TBC1D5: variants seen among roughly 807,000 people sequenced by gnomAD.
The protein encoded by TBC1D5 is TBC1 domain family, member 5.
In TBC1D5, 75 loss-of-function variants were observed where a neutral mutation model predicts 100.3. The ratio of observed to expected loss-of-function variants is 0.75; its 90% CI spans 0.62 to 0.91. The LOEUF (loss-of-function observed/expected upper bound fraction) is 0.91, where lower values mean the gene tolerates loss of function less well. Among genes scored for constraint, TBC1D5 ranks in the 40% least tolerant of loss-of-function variants. The probability of loss-of-function intolerance (pLI) is 0.00; values close to 1 mark genes in which losing one functional copy is unlikely to be tolerated. For synonymous variants in TBC1D5, 323 were observed against 325.6 expected (o/e 0.99, Z 0.09); for missense variants, 910 against 942.4 (o/e 0.97, Z 0.45).
chr3:17,369,528 T>C (rs189055807), intron 13 of TBC1D5, among the ~76,000 whole-genome samples: 1 of 152,242 alleles, frequency 6.6e-6, no homozygotes, highest in Admixed American at 6.5e-5. Context: ...CTACCGTTAT[T>C]ATTAGAGATG....
At position 17,488,211 on chromosome 3, in the gene TBC1D5, C is replaced by T. The variant is rs142479035; in HGVS notation, c.97+20263G>A. On this transcript the variant is annotated intron_variant, in intron 3 of 21. Transcript: ENST00000253692. ...CTTAGTTTTTCCTTTTCCACAATGT[C>T]ATATAGTTGGAATAATGTATGTAGT... Among the ~76,000 whole-genome samples the T allele has an allele frequency of 3.8e-3, 576 of 152,234 alleles. 2 individuals carry two copies. The highest frequency in any genetic ancestry group is 0.013 in the African/African-American group (535 of 41,556).
intron 2 of TBC1D5, among the ~76,000 whole-genome samples, chr3:17,566,639 A>G (rs2096595656): frequency 6.6e-6 from 1 of 151,762 alleles, no homozygotes; most frequent in South Asian, 2.1e-4. Flanking sequence ...CTGCAACTAA[A>G]AGCCTAAAAT....
rs979488357 is a variant in TBC1D5 at position 17,330,272 on chromosome 3, G to A, written c.996-22138C>T. Among the ~76,000 whole-genome samples the A allele has an allele frequency of 1.1e-4, 17 of 152,150 alleles. No individual in the cohort carries two copies. In the East Asian group the frequency reaches 2.3e-3, roughly 21 times the overall value. ...ATCCAGCTGTTAACATCTATGAGGC[G>A]AAACTCCAAACCTGCAGGAGGCTAA... On this transcript the variant is annotated intron_variant, in intron 13 of 21. Transcript: ENST00000253692.
intron 18 of TBC1D5, among the ~76,000 whole-genome samples, chr3:17,212,494 TTA>T (rs367707340): frequency 6.6e-6 from 1 of 150,958 alleles, no homozygotes. Context: ...GTACTTCTAG[TTA>T]TATATATATA....
At chr3:17,494,462 G>C (rs533123972) in intron 3 of TBC1D5, among the ~76,000 whole-genome samples, 2 of 152,310 alleles carry the variant, frequency 1.3e-5, no homozygotes, top group East Asian at 3.9e-4. Context: ...TGTGCTGGGG[G>C]GAATCCTCCT....
chr3:17,351,536 A>G (rs1463199540), intron 13 of TBC1D5, among the ~76,000 whole-genome samples: 2 of 152,138 alleles, frequency 1.3e-5, no homozygotes, highest in Non-Finnish European at 2.9e-5. Context: ...CAATGAGAAT[A>G]TATGGGCACA....
intron 3 of TBC1D5, among the ~76,000 whole-genome samples, chr3:17,498,850 G>T (rs2095748818): frequency 6.6e-6 from 1 of 152,002 alleles, no homozygotes; most frequent in African/African-American, 2.4e-5. Context: ...CATGTAAGGA[G>T]AATTTTACCA....
chr3:17,560,615 T>C (rs372916366), intron 2 of TBC1D5, among the ~76,000 whole-genome samples: 3 of 100,356 alleles, frequency 3.0e-5, no homozygotes, highest in African/African-American at 1.4e-4. Flanking sequence ...TAAAACCTTG[T>C]CTTTAAAAAA....
At chr3:17,727,925 T>TA (rs2076252317) in intron 1 of TBC1D5, among the ~76,000 whole-genome samples, 2 of 152,162 alleles carry the variant, frequency 1.3e-5, no homozygotes. Context: ...ATCCACACTA[T>TA]ATTACAAAGT....
intron 13 of TBC1D5, among the ~76,000 whole-genome samples, chr3:17,337,993 A>G (rs897592414): frequency 6.6e-6 from 1 of 152,156 alleles, no homozygotes; most frequent in Non-Finnish European, 1.5e-5. Flanking sequence ...AATTTTCCCA[A>G]TATAATCTCT....
intron 14 of TBC1D5, among the ~76,000 whole-genome samples, chr3:17,302,365 T>C (rs1023324402): frequency 6.6e-6 from 1 of 152,188 alleles, no homozygotes; most frequent in Non-Finnish European, 1.5e-5. Context: ...ACACCAGTCA[T>C]ATTGGATTAG....
At chr3:17,437,624 G>C in intron 3 of TBC1D5, among the ~76,000 whole-genome samples, 1 of 50,320 alleles carries the variant, frequency 2.0e-5, no homozygotes, top group East Asian at 6.2e-4. Context: ...GACAGAGGTA[G>C]AGAGAGAGAG....
chr3:17,289,676 T>G (rs557006874), intron 15 of TBC1D5, among the ~76,000 whole-genome samples: 2 of 151,332 alleles, frequency 1.3e-5, no homozygotes, highest in South Asian at 4.2e-4. Flanking sequence ...AAGGATGTTC[T>G]GCTTACACAG....
intron 3 of TBC1D5, among the ~76,000 whole-genome samples, chr3:17,438,631 C>T (rs1559886668): frequency 6.6e-6 from 1 of 152,174 alleles, no homozygotes; most frequent in African/African-American, 2.4e-5. Context: ...TCAATTAAAC[C>T]TCTTTCCTTT....
At chr3:17,485,005 T>G (rs2095544803) in intron 3 of TBC1D5, among the ~76,000 whole-genome samples, 1 of 152,126 alleles carries the variant, frequency 6.6e-6, no homozygotes, top group Non-Finnish European at 1.5e-5. Context: ...TTAACAGAGA[T>G]ATGATAAACA....
intron 2 of TBC1D5, among the ~76,000 whole-genome samples, chr3:17,577,618 T>C (rs1323963427): frequency 6.6e-6 from 1 of 151,962 alleles, no homozygotes; most frequent in Non-Finnish European, 1.5e-5. Flanking sequence ...GAGGAATAGG[T>C]AGGTAAGTAT....
chr3:17,435,220 CTA>C (rs1450310652), intron 3 of TBC1D5, among the ~76,000 whole-genome samples: 26 of 152,206 alleles, frequency 1.7e-4, no homozygotes, highest in African/African-American at 6.0e-4. Context: ...GCCCTCAAAA[CTA>C]TTCCAACCTG....
intron 13 of TBC1D5, among the ~76,000 whole-genome samples, chr3:17,312,325 A>G (rs1221152147): frequency 6.6e-6 from 1 of 152,162 alleles, no homozygotes; most frequent in Non-Finnish European, 1.5e-5. Flanking sequence ...ACATTACTGA[A>G]GGATGCTTAC....
chr3:17,171,449 A>T (rs1348179531), intron 19 of TBC1D5, among the ~76,000 whole-genome samples: 1 of 152,178 alleles, frequency 6.6e-6, no homozygotes, highest in Admixed American at 6.5e-5. Flanking sequence ...CTAAGTCTGA[A>T]ATCAAGCTGT....
Sources: gnomAD v4.1 joint callset for allele counts (sites outside exome capture counted in the v4.1 genomes callset) on GRCh38, gnomAD v4.1.1 for gene constraint, MANE v1.5 for transcripts, NCBI Gene and HGNC (gene_info 2026-07-23, HGNC 2026-07-21) for gene names.